ITPR1: variants seen among roughly 807,000 people sequenced by gnomAD.
The protein encoded by ITPR1 is inositol 1,4,5-trisphosphate receptor type 1.
Under a neutral mutation model 318.4 loss-of-function variants are expected in ITPR1, and 96 were observed. That is an observed-to-expected ratio of 0.30 (90% CI 0.26 to 0.36). The LOEUF is 0.36. ITPR1 is among the 10% of genes least tolerant of loss of function. The probability of loss-of-function intolerance (pLI) is 1.00; values close to 1 mark genes in which losing one functional copy is unlikely to be tolerated. For synonymous variants in ITPR1, 1,312 were observed against 1,289.9 expected (o/e 1.02, Z -0.37); for missense variants, 2,440 against 3,460.2 (o/e 0.71, Z 7.40).
chr3:4,745,098 T>C lies in ITPR1; in HGVS notation c.5544+9744T>C, dbSNP rs115738979. 2.4e-3 allele frequency among the ~76,000 whole-genome samples: 347 copies of C among 146,204 alleles called. 2 individuals carry two copies. Among genetic ancestry groups the C allele is most frequent in the African/African-American group, 8.4e-3 (327 of 39,012 alleles). On this transcript the variant is annotated intron_variant, in intron 44 of 61. Transcript: ENST00000649015. ...CTTTCTTTCTCTCTCTTTCTCACTG[T>C]CTTTTTTTTTTCTTTCCCTCCTTCC...
At position 4,793,978 on chromosome 3, in the gene ITPR1, G is replaced by A. The variant is rs958035843; in HGVS notation, c.6809-1087G>A. The stretch of plus-strand genomic sequence containing the variant: ...CTGCTACAAGCATTATTATAAGGCC[G>A]TTGGATTTGTCATTGGCTGCTGTCG... On this transcript the variant is annotated intron_variant, in intron 52 of 61. Coordinates refer to ENST00000649015, the MANE Select transcript of ITPR1 (RefSeq NM_001378452.1). Among the ~76,000 whole-genome samples the A allele has an allele frequency of 1.3e-4, 20 of 152,306 alleles. 2 individuals carry two copies. The highest frequency in any genetic ancestry group is 6.5e-5 in the Admixed American group (1 of 15,304).
intron 7 of ITPR1, among the ~76,000 whole-genome samples, chr3:4,643,447 G>A (rs1383978745): frequency 6.6e-6 from 1 of 152,128 alleles, no homozygotes; most frequent in Non-Finnish European, 1.5e-5. Context: ...AGATGGACTT[G>A]AATTTAAAAT....
intron 42 of ITPR1, 134 bp downstream of exon 42, chr3:4,727,307 C>T (rs2042587353): frequency 1.2e-5 from 7 of 604,508 alleles, no homozygotes; most frequent in Admixed American, 3.2e-5. Context: ...CAAGAGCAAT[C>T]ACAGCCATGT....
chr3:4,539,705 G>A (rs903967118), intron 4 of ITPR1, among the ~76,000 whole-genome samples: 1 of 152,076 alleles, frequency 6.6e-6, no homozygotes, highest in Admixed American at 6.6e-5. Flanking sequence ...ATGGGTTAAT[G>A]GATTAATGAG....
intron 44 of ITPR1, 82 bp downstream of exon 44, chr3:4,735,436 G>C (rs1038776160): frequency 1.7e-6 from 2 of 1,200,934 alleles, no homozygotes; most frequent in Non-Finnish European, 2.4e-6. Flanking sequence ...TGTCTGGGTG[G>C]TACCAAGCCT....
At chr3:4,783,580 C>T (rs537377397) in intron 50 of ITPR1, among the ~76,000 whole-genome samples, 13 of 152,192 alleles carry the variant, frequency 8.5e-5, no homozygotes, top group South Asian at 4.1e-4. Flanking sequence ...CTAATGACAT[C>T]GGGGGAAAGT....
chr3:4,578,887 C>T (rs939923954), intron 4 of ITPR1, among the ~76,000 whole-genome samples: 9 of 152,164 alleles, frequency 5.9e-5, no homozygotes, highest in Non-Finnish European at 8.8e-5. Flanking sequence ...GTGAGCTTCA[C>T]GTTGTCATTG....
chr3:4,518,789 GC>G (rs1339932435), intron 3 of ITPR1, among the ~76,000 whole-genome samples: 1 of 152,186 alleles, frequency 6.6e-6, no homozygotes, highest in Non-Finnish European at 1.5e-5. Context: ...TAAAGGTTCA[GC>G]TTGGTGCGGT....
At chr3:4,713,712 A>G (rs566212566) in intron 39 of ITPR1, among the ~76,000 whole-genome samples, 1 of 152,322 alleles carries the variant, frequency 6.6e-6, no homozygotes, top group South Asian at 2.1e-4. Context: ...GGAAAGAGTA[A>G]ATTATATCAC....
rs1364330041 is a variant in ITPR1, at chr3:4,846,125, T to G, written c.8191-14T>G. 2.0e-6 allele frequency: 3 copies of G among 1,525,438 alleles called. No individual in the cohort carries two copies. In the East Asian group the frequency reaches 7.3e-5, roughly 37 times the overall value. The allele number at this position is 1,525,438 out of a possible 1,614,324, so 94.5% of individuals were successfully genotyped here. ...AGTATCTGGGTCTAATGATGAAACT[T>G]TTTAACTTTCCAGATGACAGAACAA... On this transcript the variant is annotated splice_polypyrimidine_tract_variant and intron_variant, in intron 61 of 61. Transcript: ENST00000649015.
rs75891431 is a variant in ITPR1 at position 4,755,306 on chromosome 3, C to A, written c.5545-11224C>A. Among the ~76,000 whole-genome samples the A allele has an allele frequency of 1.2e-4, 18 of 151,954 alleles. No individual in the cohort carries two copies. The East Asian group carries it at 2.9e-3, about 24-fold the overall frequency. On this transcript the variant is annotated intron_variant, in intron 44 of 61. Transcript: ENST00000649015. ...CTTACCAGATAGGGCAGAGCTTTCC[C>A]AGTAAGTCCCAGTTCCCGTGGGCAC... is the stretch of plus-strand genomic sequence containing the variant.
At chr3:4,798,534 A>G (rs1339055554) in intron 53 of ITPR1, among the ~76,000 whole-genome samples, 8 of 152,214 alleles carry the variant, frequency 5.3e-5, no homozygotes, top group Admixed American at 2.6e-4. Context: ...ACCTTGGAAA[A>G]CAGTTTGGTA....
intron 45 of ITPR1, among the ~76,000 whole-genome samples, chr3:4,767,607 C>T (rs1344503621): frequency 1.3e-5 from 2 of 152,264 alleles, no homozygotes; most frequent in Non-Finnish European, 2.9e-5. Flanking sequence ...CAACGTCCAA[C>T]TCCTGGGCCC....
At chr3:4,634,792 A>G (rs781198934) in intron 5 of ITPR1, among the ~76,000 whole-genome samples, 24 of 152,098 alleles carry the variant, frequency 1.6e-4, no homozygotes, top group Admixed American at 2.6e-4. Flanking sequence ...AGGCTGGAGT[A>G]CAGTGGTGCG....
At chr3:4,726,353 A>AAAAT (rs2042516621) in intron 41 of ITPR1, among the ~76,000 whole-genome samples, 1 of 152,024 alleles carries the variant, frequency 6.6e-6, no homozygotes, top group South Asian at 2.1e-4. Context: ...AAAAAAAAAA[A>AAAAT]AAAATCTATC....
intron 5 of ITPR1, among the ~76,000 whole-genome samples, chr3:4,631,695 T>G (rs1286360692): frequency 6.6e-6 from 1 of 152,186 alleles, no homozygotes; most frequent in Non-Finnish European, 1.5e-5. Flanking sequence ...CAAAGTACAC[T>G]CTTTTCTTTC....
At chr3:4,695,751 C>G (rs959231975) in intron 33 of ITPR1, among the ~76,000 whole-genome samples, 1 of 152,206 alleles carries the variant, frequency 6.6e-6, no homozygotes, top group African/African-American at 2.4e-5. Context: ...TAGCTGCGTT[C>G]ATTTCCTTTG....
At chr3:4,548,448 G>C (rs141496113) in intron 4 of ITPR1, among the ~76,000 whole-genome samples, 435 of 152,212 alleles carry the variant, frequency 2.9e-3, no homozygotes, top group Admixed American at 5.0e-3. Context: ...TGCTCTAATG[G>C]CATGTGACTT....
intron 16 of ITPR1, 63 bp downstream of exon 16, chr3:4,663,269 G>A (rs1241429969): frequency 6.9e-7 from 1 of 1,447,004 alleles, no homozygotes; most frequent in Non-Finnish European, 9.5e-7. Flanking sequence ...ATGAGTGGTA[G>A]CTCATGCCTG....
Sources: gnomAD v4.1 joint callset for allele counts (sites outside exome capture counted in the v4.1 genomes callset) on GRCh38, gnomAD v4.1.1 for gene constraint, MANE v1.5 for transcripts, NCBI Gene and HGNC (gene_info 2026-07-23, HGNC 2026-07-21) for gene names.